CRADD: variants seen among roughly 807,000 people sequenced by gnomAD.
CRADD encodes death domain-containing protein CRADD.
CRADD carries 9 observed loss-of-function variants against 15.5 expected under a neutral mutation model. The observed-to-expected ratio is 0.58, with a 90% confidence interval of 0.35 to 1.01. CRADD has a LOEUF of 1.01. CRADD is among the 50% of genes least tolerant of loss of function. The pLI is 0.02. For missense variants in CRADD, 227 were observed against 250.3 expected (o/e 0.91, Z 0.63); for synonymous variants, 118 against 107.6 (o/e 1.10, Z -0.60).
rs1439261034 is a variant in CRADD at position 93,844,758 on chromosome 12, C to G, written c.299-5212C>G. ...AGAAACAAAATCAAACCCAGCCCCACAGGCTCTTGCAGCAAGCAAACAAAC... is the reference window on the plus strand; with the variant it reads ...AGAAACAAAATCAAACCCAGCCCCAGAGGCTCTTGCAGCAAGCAAACAAAC... On this transcript the variant is annotated intron_variant, in intron 2 of 2. Transcript: ENST00000332896. Among the ~76,000 whole-genome samples the G allele has an allele frequency of 5.3e-5, 8 of 152,322 alleles. No homozygotes were observed. The East Asian group carries it at 1.5e-3, about 29-fold the overall frequency.
rs1381570019 is a variant in CRADD at position 93,824,411 on chromosome 12, T to TAC, written c.299-25551_299-25550dup. Reference sequence around the variant, plus strand: ...TCTTTGGAAAACACACACACACTCATACACACACATACACACACACACACA... The same window carrying TAC: ...TCTTTGGAAAACACACACACACTCATACACACACACATACACACACACACACA... On this transcript the variant is annotated intron_variant, in intron 2 of 2. Coordinates refer to ENST00000332896, the MANE Select transcript of CRADD (RefSeq NM_003805.5). This position sits in a 1 kb window ranked among gnomAD's most constrained non-coding sequence, Gnocchi z 4.3. 6.7e-5 allele frequency among the ~76,000 whole-genome samples: 8 copies of TAC among 118,646 alleles called. No homozygotes were observed. The highest frequency in any genetic ancestry group is 3.7e-4 in the East Asian group (1 of 2,674). 77.8% of individuals were successfully genotyped at this position (118,646 alleles called of 152,430 possible). A position where few individuals can be genotyped will look rare whatever the true frequency, so the allele number is the denominator to read the frequency against.
At chr12:93,690,077 G>C (rs1399781474) in intron 2 of CRADD, among the ~76,000 whole-genome samples, 1 of 152,184 alleles carries the variant, frequency 6.6e-6, no homozygotes, top group Non-Finnish European at 1.5e-5. Flanking sequence ...AGGTTTCAGG[G>C]CTTAATAAGG....
intron 2 of CRADD, among the ~76,000 whole-genome samples, chr12:93,856,434 G>T (rs1290887524): frequency 3.3e-5 from 5 of 152,188 alleles, no homozygotes; most frequent in African/African-American, 1.2e-4. Flanking sequence ...AGCCTGCTGG[G>T]GAGACAGCTA....
At chr12:93,883,297 T>G (rs1280953618) in intron 2 of CRADD, among the ~76,000 whole-genome samples, 1 of 152,210 alleles carries the variant, frequency 6.6e-6, no homozygotes, top group East Asian at 1.9e-4. Context: ...TCTATAAAAT[T>G]TAATGTAAAC....
chr12:93,726,821 T>G (rs1469894236), intron 2 of CRADD, among the ~76,000 whole-genome samples: 1 of 152,074 alleles, frequency 6.6e-6, no homozygotes, highest in Non-Finnish European at 1.5e-5. Context: ...ACTACAGCAC[T>G]CTAACAGAAG....
downstream of CRADD, among the ~76,000 whole-genome samples, chr12:93,851,874 G>A (rs1565939658): frequency 3.3e-5 from 5 of 152,150 alleles, no homozygotes; most frequent in South Asian, 2.1e-4. Context: ...AATTGAGCAC[G>A]AAGTGGGTAC....
At chr12:93,715,138 C>T (rs1956140323) in intron 2 of CRADD, among the ~76,000 whole-genome samples, 4 of 152,072 alleles carry the variant, frequency 2.6e-5, no homozygotes, top group Non-Finnish European at 4.4e-5. Flanking sequence ...TTTTATTAAA[C>T]AATTCTTTCT....
chr12:93,811,187 T>C (rs1245828192), intron 2 of CRADD, among the ~76,000 whole-genome samples: 1 of 152,242 alleles, frequency 6.6e-6, no homozygotes, highest in African/African-American at 2.4e-5. Context: ...ATGCAAAGTT[T>C]AATAAGAGCA....
chr12:93,778,140 T>C (rs1957160065), intron 2 of CRADD, among the ~76,000 whole-genome samples: 1 of 152,228 alleles, frequency 6.6e-6, no homozygotes, highest in South Asian at 2.1e-4. Flanking sequence ...TTTGATTAAC[T>C]ATCCTGGATA....
chr12:93,844,682 AAC>A (rs1484264953), intron 2 of CRADD, among the ~76,000 whole-genome samples: 1 of 152,220 alleles, frequency 6.6e-6, no homozygotes, highest in Non-Finnish European at 1.5e-5. Flanking sequence ...GTATAGCAGA[AAC>A]ACAGACACTC....
chr12:93,789,407 AGTATT>A (rs1286971317), intron 2 of CRADD, among the ~76,000 whole-genome samples: 1 of 152,332 alleles, frequency 6.6e-6, no homozygotes, highest in East Asian at 1.9e-4. Context: ...TTCGACTTCC[AGTATT>A]TCTAATCACT....
intron 2 of CRADD, chr12:93,790,579 G>A (rs768556885): frequency 2.0e-5 from 3 of 151,976 alleles, no homozygotes; most frequent in Non-Finnish European, 2.9e-5. Flanking sequence ...GTCTATATTT[G>A]TGTAATATTT....
At chr12:93,782,347 T>TGGGGGG (rs1957220232) in intron 2 of CRADD, among the ~76,000 whole-genome samples, 1 of 95,486 alleles carries the variant, frequency 1.0e-5, no homozygotes, top group Admixed American at 1.2e-4. Flanking sequence ...TGTTGTGGGG[T>TGGGGGG]TGGGGGAGGG....
chr12:93,776,328 G>T (rs556227783), intron 2 of CRADD, among the ~76,000 whole-genome samples: 1 of 152,200 alleles, frequency 6.6e-6, no homozygotes, highest in South Asian at 2.1e-4. Context: ...TTGTAAAGGG[G>T]TTATTTGTAG....
intron 2 of CRADD, among the ~76,000 whole-genome samples, chr12:93,769,482 G>A (rs763679083): frequency 2.2e-4 from 34 of 152,312 alleles, no homozygotes; most frequent in Non-Finnish European, 4.4e-4. Flanking sequence ...TTTGGCATAC[G>A]TGTGCAGTTT....
intron 2 of CRADD, among the ~76,000 whole-genome samples, chr12:93,759,515 A>G (rs1301742324): frequency 6.6e-6 from 1 of 152,122 alleles, no homozygotes; most frequent in Non-Finnish European, 1.5e-5. Context: ...TTTGGTCCCC[A>G]GAGAATACTG....
intron 2 of CRADD, among the ~76,000 whole-genome samples, chr12:93,702,707 G>A (rs1955865282): frequency 6.6e-6 from 1 of 151,694 alleles, no homozygotes; most frequent in African/African-American, 2.4e-5. Flanking sequence ...TGATCACACT[G>A]TTCCACCACC....
chr12:93,881,747 C>A (rs969926734), intron 2 of CRADD, among the ~76,000 whole-genome samples: 1 of 152,178 alleles, frequency 6.6e-6, no homozygotes, highest in Non-Finnish European at 1.5e-5. Context: ...ATAAATAGAA[C>A]TGTGTGCTCT....
At chr12:93,801,907 C>T (rs1463224258) in intron 2 of CRADD, among the ~76,000 whole-genome samples, 1 of 152,174 alleles carries the variant, frequency 6.6e-6, no homozygotes, top group Non-Finnish European at 1.5e-5. Flanking sequence ...TCTGAATCCT[C>T]ATAGCTTAGC....
Sources: allele counts gnomAD v4.1 joint callset (sites outside exome capture counted in the v4.1 genomes callset), GRCh38; gene constraint gnomAD v4.1.1; non-coding constraint Gnocchi (gnomAD v3.1); transcripts MANE v1.5; gene names NCBI Gene and HGNC (gene_info 2026-07-23, HGNC 2026-07-21).